SLITRK6: variants seen among roughly 807,000 people sequenced by gnomAD.
The protein encoded by SLITRK6 is SLIT and NTRK-like protein 6.
In SLITRK6, 35 loss-of-function variants were observed where a neutral mutation model predicts 55.6. The observed-to-expected ratio is 0.63, with a 90% CI of 0.48 to 0.83. The LOEUF (loss-of-function observed/expected upper bound fraction) is 0.83. Among genes scored for constraint, SLITRK6 ranks in the 40% least tolerant of loss-of-function variants. The pLI is 0.00. For missense variants in SLITRK6, 977 were observed against 986.4 expected, an observed-to-expected ratio of 0.99 and a Z score of 0.13; for synonymous variants, 392 against 359.6, an observed-to-expected ratio of 1.09 and a Z score of -1.02.
Position 85,794,343 on chromosome 13 carries a change from C to CA in SLITRK6, c.2165dup (p.Leu722PhefsTer64). The CA allele has an allele frequency of 2.5e-6, 4 of 1,613,178 alleles. No homozygotes were observed. The highest frequency in any genetic ancestry group is 2.5e-6 in the Non-Finnish European group (3 of 1,179,514). ...TGAGTGGTGAATGATTTTCCTGTTC[C>CA]AAAAGACTTCTTTGGAGATGTTTTG... On this transcript the variant is annotated frameshift_variant, in exon 2 of 2. Coordinates refer to ENST00000647374, the MANE Select transcript of SLITRK6 (RefSeq NM_032229.3). LOFTEE classifies it high-confidence loss of function.
In SLITRK6 at chr13:85,795,755, A is replaced by C; in HGVS notation, c.754T>G (p.Phe252Val). 1 of 1,612,806 alleles carries C rather than the reference A, an allele frequency of 6.2e-7. No individual in the cohort carries two copies. Among genetic ancestry groups the C allele is most frequent in the Non-Finnish European group, 8.5e-7 (1 of 1,179,334 alleles). Reference protein sequence around the residue: ...IGDVVCNSPPFFKGSILSRLK... With the variant: ...IGDVVCNSPPVFKGSILSRLK... ...CTACTGAGTATACTTCCTTTAAAAA[A>C]TGGAGGGCTGTTGCAGACAACATCA... Residue 252 changes from phenylalanine to valine, a missense_variant, in exon 2 of 2, where the codon TTT (phenylalanine) becomes GTT (valine). Phe to Val is a conservative substitution (Grantham distance 50). Coordinates refer to ENST00000647374, the MANE Select transcript of SLITRK6 (RefSeq NM_032229.3).
Position 85,795,728 on chromosome 13 carries a change from G to C in SLITRK6, c.781C>G (p.Leu261Val). 1 of 1,612,704 alleles carries C rather than the reference G, an allele frequency of 6.2e-7. No individual in the cohort carries two copies. The highest frequency in any genetic ancestry group is 8.5e-7 in the Non-Finnish European group (1 of 1,179,286). The change falls in exon 2 of 2, where the codon CTA (leucine) becomes GTA (valine). Residue 261 changes from leucine (L) to valine (V), a missense_variant. Transcript: ENST00000647374. ...PFFKGSILSR[L>V]KKESICPTPP... ...GTAGGGCAAATAGATTCCTTCTTTAGTCTACTGAGTATACTTCCTTTAAAA... is the reference window on the plus strand; with the variant it reads ...GTAGGGCAAATAGATTCCTTCTTTACTCTACTGAGTATACTTCCTTTAAAA...
At chr13:85,796,799 A>T (rs1175723729) in intron 1 of SLITRK6, among the ~76,000 whole-genome samples, 2 of 151,662 alleles carry the variant, frequency 1.3e-5, no homozygotes, top group African/African-American at 4.8e-5. Context: ...ATATCATAAA[A>T]TTTGTGCTCA....
chr13:85,794,060 T>C lies in SLITRK6; in HGVS notation c.2449A>G (p.Lys817Glu), dbSNP rs375486226. Residue 817 changes from lysine (K) to glutamate (E), a missense_variant, in exon 2 of 2, where the codon AAA becomes GAA. Lys to Glu is a moderately conservative substitution (Grantham distance 56, BLOSUM62 1). Transcript: ENST00000647374. ...RPRKVLVEQT[K>E]NEYFELKANL... The stretch of plus-strand genomic sequence containing the variant: ...GCTTTAAGTTCAAAATACTCATTTT[T>C]TGTCTGTTCCACTAATACCTTCCTT... The C allele has an allele frequency of 1.6e-4, 260 of 1,612,370 alleles. No individual in the cohort carries two copies. Among genetic ancestry groups the C allele is most frequent in the Middle Eastern group, 8.2e-4 (5 of 6,068 alleles).
chr13:85,793,817 CTCCCAGTGA>C lies in SLITRK6; in HGVS notation c.*157_*165del, dbSNP rs1874613031. 1.5e-6 allele frequency: 1 copy of C among 679,428 alleles called. No individual in the cohort carries two copies. Among genetic ancestry groups the C allele is most frequent in the African/African-American group, 1.9e-5 (1 of 53,754 alleles). The allele number at this position is 679,428 out of a possible 1,614,324, so 42.1% of individuals were successfully genotyped here. On this transcript the variant is annotated 3_prime_UTR_variant, in exon 2 of 2. Coordinates refer to ENST00000647374, the MANE Select transcript of SLITRK6 (RefSeq NM_032229.3). ...TTGCCTGAAGATAATGCCATGGCTT[CTCCCAGTGA>C]TCCCTGAGTTTCTTTTTCTTCTTCT...
In SLITRK6 at chr13:85,795,449, T is replaced by C. The variant is rs1874683675; in HGVS notation, c.1060A>G (p.Ser354Gly). Residue 354 changes from serine to glycine, a missense_variant, in exon 2 of 2, where the codon AGC becomes GGC. Physicochemically the swap from Ser to Gly is moderately conservative, Grantham distance 56. Transcript: ENST00000647374. ...GGAGGAGGTCTCAGATCTGATAAGCTTTCAATGTTGCGCTCCTGACAATGT... is the reference window on the plus strand; with the variant it reads ...GGAGGAGGTCTCAGATCTGATAAGCCTTCAATGTTGCGCTCCTGACAATGT... ...LIHCQERNIESLSDLRPPPQN... is the reference protein window; with the variant it reads ...LIHCQERNIEGLSDLRPPPQN... The C allele has an allele frequency of 6.2e-7, 1 of 1,613,026 alleles. No homozygotes were observed. Among genetic ancestry groups the C allele is most frequent in the Non-Finnish European group, 8.5e-7 (1 of 1,179,418 alleles).
chr13:85,794,838 C>T lies in SLITRK6; in HGVS notation c.1671G>A (p.Leu557=), dbSNP rs570931335. The part of the protein sequence containing the change: ...TSPGHLDKKE[L]KALNSEILCP... ...AGAGAATTTCACTATTTAGGGCTTT[C>T]AATTCCTTTTTGTCGAGATGCCCGG... The change falls in exon 2 of 2, where the codon TTG becomes TTA. Residue 557 remains leucine (L), a synonymous_variant. Coordinates refer to ENST00000647374, the MANE Select transcript of SLITRK6 (RefSeq NM_032229.3). 1 of 1,613,086 alleles carries T rather than the reference C, an allele frequency of 6.2e-7. No individual in the cohort carries two copies. The highest frequency in any genetic ancestry group is 1.7e-5 in the Admixed American group (1 of 59,784).
rs1023233216 is a variant in SLITRK6 at position 85,794,800 on chromosome 13, A to G, written c.1709T>C (p.Val570Ala). 1 of 1,613,248 alleles carries G rather than the reference A, an allele frequency of 6.2e-7. No homozygotes were observed. Among genetic ancestry groups the G allele is most frequent in the Non-Finnish European group, 8.5e-7 (1 of 1,179,540 alleles). The change falls in exon 2 of 2, where the codon GTA (valine) becomes GCA (alanine). Residue 570 changes from valine (V) to alanine (A), a missense_variant. Physicochemically the swap from Val to Ala is moderately conservative, Grantham distance 64 (BLOSUM62 0). Transcript: ENST00000647374. Reference protein sequence around the residue: ...LNSEILCPGLVNNPSMPTQTS... With the variant: ...LNSEILCPGLANNPSMPTQTS... ...CTGTGTTGGCATGGATGGGTTATTT[A>G]CTAAACCTGGACAGAGAATTTCACT...
In SLITRK6 at chr13:85,796,319, A is replaced by G. The variant is rs1874720476; in HGVS notation, c.190T>C (p.Ser64Pro). 2 of 1,612,174 alleles carry G rather than the reference A, an allele frequency of 1.2e-6. No individual in the cohort carries two copies. Among genetic ancestry groups the G allele is most frequent in the South Asian group, 1.1e-5 (1 of 90,884 alleles). The change falls in exon 2 of 2, where the codon TCA (serine) becomes CCA (proline). Residue 64 changes from serine to proline, a missense_variant. Transcript: ENST00000647374. ...AATAAGCTTAGTTGGAAAGGTCGTG[A>G]TGGTGGCACACTTATTTCAGATACC... ...KMVSEISVPP[S>P]RPFQLSLLNN...
Position 85,795,200 on chromosome 13 carries a change from G to C in SLITRK6, c.1309C>G (p.Leu437Val). Reference protein sequence around the residue: ...SKGMFLGLHNLEYLYLEYNAI... With the variant: ...SKGMFLGLHNVEYLYLEYNAI... ...TTGTATTCAAGATATAAGTATTCAA[G>C]ATTATGGAGACCAAGGAACATGCCT... Residue 437 changes from leucine (L) to valine (V), a missense_variant, in exon 2 of 2, where the codon CTT (leucine) becomes GTT (valine). Physicochemically the swap from Leu to Val is conservative, Grantham distance 32 (BLOSUM62 1). Coordinates refer to ENST00000647374, the MANE Select transcript of SLITRK6 (RefSeq NM_032229.3). 6.2e-7 allele frequency: 1 copy of C among 1,612,426 alleles called. No individual in the cohort carries two copies. Among genetic ancestry groups the C allele is most frequent in the Non-Finnish European group, 8.5e-7 (1 of 1,179,266 alleles).
rs80087848 is a variant in SLITRK6 at position 85,795,917 on chromosome 13, A to G, written c.592T>C (p.Leu198=). Reference sequence around the variant, plus strand: ...TGTTCGAGAAAACCAACATAAGGCAATGTTTGTAATTGATTTCCACGAAGA... The same window carrying G: ...TGTTCGAGAAAACCAACATAAGGCAGTGTTTGTAATTGATTTCCACGAAGA... The part of the protein sequence containing the change: ...LDLRGNQLQT[L]PYVGFLEHIG... Residue 198 remains leucine, a synonymous_variant, in exon 2 of 2, where the codon TTG becomes CTG. Coordinates refer to ENST00000647374, the MANE Select transcript of SLITRK6 (RefSeq NM_032229.3). The G allele has an allele frequency of 1.7e-3, 2,665 of 1,613,044 alleles. 77 individuals are homozygous for G. In the East Asian group the frequency reaches 0.055, roughly 33 times the overall value.
Position 85,795,322 on chromosome 13 carries a change from T to C in SLITRK6, c.1187A>G (p.Asn396Ser), listed in dbSNP as rs530708268. The change falls in exon 2 of 2, where the codon AAC (asparagine) becomes AGC (serine). Residue 396 changes from asparagine to serine, a missense_variant. Transcript: ENST00000647374. Reference sequence around the variant, plus strand: ...TTCTTCAAGAACTTCAATACGATTGTTTCCCAAGTGAAGCATTTCCAAAGT... The same window carrying C: ...TTCTTCAAGAACTTCAATACGATTGCTTCCCAAGTGAAGCATTTCCAAAGT... ...YFTLEMLHLG[N>S]NRIEVLEEGS... 1 of 1,612,820 alleles carries C rather than the reference T, an allele frequency of 6.2e-7. No individual in the cohort carries two copies. The highest frequency in any genetic ancestry group is 1.7e-5 in the Admixed American group (1 of 59,766).
rs751714704 is a variant in SLITRK6 at position 85,794,991 on chromosome 13, A to G, written c.1518T>C (p.Leu506=). The G allele has an allele frequency of 3.7e-6, 6 of 1,613,084 alleles. No individual in the cohort carries two copies. Among genetic ancestry groups the G allele is most frequent in the Non-Finnish European group, 5.1e-6 (6 of 1,179,436 alleles). ...HLPVSNILDD[L]DLLTQIDLED... ...CAAGGTCAATCTGGGTTAGCAAATC[A>G]AGATCATCCAAAATATTACTTACAG... The change falls in exon 2 of 2, where the codon CTT becomes CTC. Residue 506 remains leucine, a synonymous_variant. Coordinates refer to ENST00000647374, the MANE Select transcript of SLITRK6 (RefSeq NM_032229.3).
In SLITRK6 at chr13:85,796,454, G is replaced by A. The variant is rs1874728663; in HGVS notation, c.55C>T (p.His19Tyr). The change falls in exon 2 of 2, where the codon CAC (histidine) becomes TAC (tyrosine). Residue 19 changes from histidine to tyrosine, a missense_variant. Coordinates refer to ENST00000647374, the MANE Select transcript of SLITRK6 (RefSeq NM_032229.3). ...GATGAGAGCACTGGAGTTTGGGAGT[G>A]TAAAGATATACAGGCAAGGAGAGAT... The part of the protein sequence containing the change: ...YSSLLACISL[H>Y]SQTPVLSSRG... The A allele has an allele frequency of 2.5e-6, 4 of 1,600,072 alleles. No homozygotes were observed. The African/African-American group carries it at 5.4e-5, about 22-fold the overall frequency.
chr13:85,796,139 A>G lies in SLITRK6; in HGVS notation c.370T>C (p.Leu124=). Residue 124 remains leucine, a synonymous_variant, in exon 2 of 2, where the codon TTA becomes CTA. Transcript: ENST00000647374. ...LKQLHINHNS[L]EILKEDTFHG... is the part of the protein sequence containing the mutation. Reference sequence around the variant, plus strand: ...AAAGTATCCTCTTTAAGAATTTCTAAAGAATTGTGATTGATATGAAGTTGT... The same window carrying G: ...AAAGTATCCTCTTTAAGAATTTCTAGAGAATTGTGATTGATATGAAGTTGT... 1.2e-6 allele frequency: 2 copies of G among 1,612,444 alleles called. No individual in the cohort carries two copies. The highest frequency in any genetic ancestry group is 2.2e-5 in the East Asian group (1 of 44,826).
In SLITRK6 at chr13:85,794,085, T is replaced by C. The variant is rs772711361; in HGVS notation, c.2424A>G (p.Pro808=). Residue 808 remains proline (P), a synonymous_variant, in exon 2 of 2, where the codon CCA becomes CCG. Coordinates refer to ENST00000647374, the MANE Select transcript of SLITRK6 (RefSeq NM_032229.3). The part of the protein sequence containing the change: ...KLMETLMYSR[P]RKVLVEQTKN... ...TTGTCTGTTCCACTAATACCTTCCT[T>C]GGACGTGAGTACATTAATGTTTCCA... 4.3e-6 allele frequency: 7 copies of C among 1,613,046 alleles called. No individual in the cohort carries two copies. In the South Asian group the frequency reaches 7.7e-5, roughly 18 times the overall value.
rs113261644 is a variant in SLITRK6 at position 85,798,390 on chromosome 13, C to T, written c.-25+524G>A. Among the ~76,000 whole-genome samples the T allele has an allele frequency of 2.7e-3, 415 of 152,044 alleles. 2 individuals carry two copies. Among genetic ancestry groups the T allele is most frequent in the African/African-American group, 9.6e-3 (400 of 41,516 alleles). ...GTAAATCCTGTATGAATTTTATGCT[C>T]TTCAAAACGTGCTAGGAAACAGTTT... On this transcript the variant is annotated intron_variant, in intron 1 of 1. Coordinates refer to ENST00000647374, the MANE Select transcript of SLITRK6 (RefSeq NM_032229.3).
intron 1 of SLITRK6, among the ~76,000 whole-genome samples, chr13:85,797,151 CTA>C (rs10694306): frequency 3.2e-4 from 47 of 145,074 alleles, no homozygotes; most frequent in African/African-American, 4.5e-4. Flanking sequence ...TCGGTTTTGG[CTA>C]TATATATATA....
Position 85,799,291 on chromosome 13 carries a change from T to C in SLITRK6, c.-402A>G, listed in dbSNP as rs149167291. 2.3e-4 allele frequency: 35 copies of C among 152,206 alleles called. No individual in the cohort carries two copies. The highest frequency in any genetic ancestry group is 8.2e-4 in the African/African-American group (34 of 41,562). The allele number at this position is 152,206 out of a possible 1,614,324, so 9.4% of individuals were successfully genotyped here. On this transcript the variant is annotated 5_prime_UTR_variant, in exon 1 of 2. Transcript: ENST00000647374. ...GTTTAACAGAGCTGAGATTGATCAC[T>C]CTTGCTTTCTTAGGTTGTAGATCCA...
Sources: allele counts gnomAD v4.1 joint callset (sites outside exome capture counted in the v4.1 genomes callset), GRCh38; gene constraint gnomAD v4.1.1; transcripts MANE v1.5; gene names NCBI Gene and HGNC (gene_info 2026-07-23, HGNC 2026-07-21).